Variants in MTPAP observed in about 807,000 individuals in gnomAD.
MTPAP encodes the protein mitochondrial poly(A) polymerase, also known as poly(A) RNA polymerase, mitochondrial.
A neutral mutation model predicts 48.7 loss-of-function variants in MTPAP; 23 were observed. That is an observed-to-expected ratio of 0.47 (90% confidence interval 0.34 to 0.67). The LOEUF (loss-of-function observed/expected upper bound fraction) is 0.67. Ranked by LOEUF, MTPAP falls within the 30% of genes least tolerant of loss-of-function variation. The probability of loss-of-function intolerance (pLI) is 0.01; values close to 1 mark genes in which losing one functional copy is unlikely to be tolerated. For missense variants in MTPAP, 614 were observed against 694.3 expected (o/e 0.88, Z 1.30); for synonymous variants, 257 against 254.1 (o/e 1.01, Z -0.11).
At chr10:30,337,434 T>A (rs1834742729) in intron 3 of MTPAP, among the ~76,000 whole-genome samples, 1 of 151,136 alleles carries the variant, frequency 6.6e-6, no homozygotes, top group Non-Finnish European at 1.5e-5. Flanking sequence ...CAAAAAAAAA[T>A]ACTCTTTAAA....
chr10:30,321,995 ACGAAG>A (rs1271408919), intron 6 of MTPAP, among the ~76,000 whole-genome samples: 2 of 152,212 alleles, frequency 1.3e-5, no homozygotes, highest in Non-Finnish European at 2.9e-5. Flanking sequence ...TTGAAACATC[ACGAAG>A]CAGTTTTAGT....
At chr10:30,337,076 C>T (rs1411990201) in intron 3 of MTPAP, 49 bp from the exon 4 acceptor site, 3 of 1,445,454 alleles carry the variant, frequency 2.1e-6, no homozygotes, top group Non-Finnish European at 2.9e-6. Flanking sequence ...GTACAGGTCG[C>T]ATAAAAAGTT....
intron 4 of MTPAP, among the ~76,000 whole-genome samples, chr10:30,331,203 CACAG>C (rs370846917): frequency 1.1e-4 from 16 of 152,314 alleles, no homozygotes; most frequent in South Asian, 4.1e-4. Context: ...AAAAACTGTT[CACAG>C]ACAGTTAGAT....
In MTPAP at chr10:30,326,417, G is replaced by C. The variant is rs769151358; in HGVS notation, c.992+7C>G. 6.2e-7 allele frequency: 1 copy of C among 1,609,238 alleles called. No homozygotes were observed. The highest frequency in any genetic ancestry group is 8.5e-7 in the Non-Finnish European group (1 of 1,175,630). On this transcript the variant is annotated splice_region_variant and intron_variant, in intron 5 of 8. Coordinates refer to ENST00000263063, the MANE Select transcript of MTPAP (RefSeq NM_018109.4). ...ATATTTAAAATAATAAATGTAAGCG[G>C]TCATACCTATTGTTCGTAGTCAAAT...
intron 1 of MTPAP, among the ~76,000 whole-genome samples, chr10:30,344,384 A>C (rs188558244): frequency 5.3e-5 from 8 of 152,352 alleles, no homozygotes; most frequent in Admixed American, 2.6e-4. Context: ...TCTCCATGGC[A>C]GAATCTCTTC....
Position 30,311,714 on chromosome 10 carries a change from G to A in MTPAP, c.*1895C>T, listed in dbSNP as rs566694558. ...GAGAGTCTCACTGTCGCCCAGGATG[G>A]AGTACAGTGCTGTGATCTCAGCTCA... is the stretch of plus-strand genomic sequence containing the variant. On this transcript the variant is annotated 3_prime_UTR_variant, in exon 9 of 9. Transcript: ENST00000263063. The A allele has an allele frequency of 6.6e-6, 1 of 152,504 alleles. No individual in the cohort carries two copies. The highest frequency in any genetic ancestry group is 2.4e-5 in the African/African-American group (1 of 41,566). 9.4% of individuals were successfully genotyped at this position (152,504 alleles called of 1,614,324 possible). A position where few individuals can be genotyped will look rare whatever the true frequency, so the allele number is the denominator to read the frequency against.
At chr10:30,317,689 C>G (rs1003860205) in intron 6 of MTPAP, among the ~76,000 whole-genome samples, 5 of 152,122 alleles carry the variant, frequency 3.3e-5, no homozygotes, top group African/African-American at 1.2e-4. Flanking sequence ...TTTGACTTAT[C>G]TGACTGCATT....
rs146650995 is a variant in MTPAP at position 30,335,805 on chromosome 10, T to G, written c.780+998A>C. Among the ~76,000 whole-genome samples, 829 of 150,704 alleles carry G rather than the reference T, an allele frequency of 5.5e-3. 1 individual carries two copies. Among genetic ancestry groups the G allele is most frequent in the Non-Finnish European group, 8.7e-3 (588 of 67,626 alleles). On this transcript the variant is annotated intron_variant, in intron 4 of 8. Coordinates refer to ENST00000263063, the MANE Select transcript of MTPAP (RefSeq NM_018109.4). The stretch of plus-strand genomic sequence containing the variant: ...GGTGTGGATCACCTGAGGTCAGGAG[T>G]TCAAAACCAGCCTGACCAAGGAGGT...
At chr10:30,342,457 A>G (rs1834822455) in intron 1 of MTPAP, among the ~76,000 whole-genome samples, 2 of 148,874 alleles carry the variant, frequency 1.3e-5, no homozygotes, top group South Asian at 4.2e-4. Context: ...TCGTTTGACT[A>G]CTCTCCCATG....
intron 4 of MTPAP, among the ~76,000 whole-genome samples, chr10:30,335,623 A>C (rs1834721562): frequency 6.6e-6 from 1 of 152,206 alleles, no homozygotes; most frequent in African/African-American, 2.4e-5. Context: ...AGAGAACATA[A>C]ATGGAAGAAA....
chr10:30,339,677 TA>T (rs1310201394), intron 3 of MTPAP, among the ~76,000 whole-genome samples: 8 of 152,190 alleles, frequency 5.3e-5, no homozygotes, highest in African/African-American at 1.9e-4. Context: ...AGACAAGGAT[TA>T]CTATCACTTT....
intron 1 of MTPAP, among the ~76,000 whole-genome samples, chr10:30,342,516 A>G (rs1488351345): frequency 8.3e-5 from 12 of 145,048 alleles, no homozygotes; most frequent in African/African-American, 3.1e-4. Flanking sequence ...ACTATGCTTG[A>G]TGCAAAGTGC....
chr10:30,334,713 T>C (rs1834708496), intron 4 of MTPAP, among the ~76,000 whole-genome samples: 1 of 151,958 alleles, frequency 6.6e-6, no homozygotes, highest in African/African-American at 2.4e-5. Context: ...TGTAACAATA[T>C]ATAATGGGAA....
At chr10:30,329,385 A>G (rs1427162068) in intron 4 of MTPAP, among the ~76,000 whole-genome samples, 1 of 151,974 alleles carries the variant, frequency 6.6e-6, no homozygotes, top group Non-Finnish European at 1.5e-5. Context: ...ACACCACCAC[A>G]CCTTGCTAAT....
rs1840587696 is a variant in MTPAP at position 30,311,049 on chromosome 10, G to C, written c.*2560C>G. ...GCTAACCCATACACATACTTTATGTGCTTAAATAACCATATTACACCTAGC... is the reference window on the plus strand; with the variant it reads ...GCTAACCCATACACATACTTTATGTCCTTAAATAACCATATTACACCTAGC... On this transcript the variant is annotated 3_prime_UTR_variant, in exon 9 of 9. Transcript: ENST00000263063. The C allele has an allele frequency of 6.6e-6, 1 of 152,074 alleles. No homozygotes were observed. Among genetic ancestry groups the C allele is most frequent in the Non-Finnish European group, 1.5e-5 (1 of 68,026 alleles). 9.4% of individuals were successfully genotyped at this position (152,074 alleles called of 1,614,324 possible).
At chr10:30,332,626 A>G (rs112686373) in intron 4 of MTPAP, among the ~76,000 whole-genome samples, 15,042 of 152,136 alleles carry the variant, frequency 0.099, 1,000 homozygotes, top group Non-Finnish European at 0.12. Flanking sequence ...AGACTGGAGC[A>G]CTGTCTTTAA....
At chr10:30,339,086 G>A (rs1834767522) in intron 3 of MTPAP, among the ~76,000 whole-genome samples, 1 of 152,088 alleles carries the variant, frequency 6.6e-6, no homozygotes, top group East Asian at 1.9e-4. Flanking sequence ...TCACGCCACT[G>A]CACTCCAGCC....
rs375188977 is a variant in MTPAP, at chr10:30,324,970, G to A, written c.992+1454C>T. Among the ~76,000 whole-genome samples, 235 of 146,302 alleles carry A rather than the reference G, an allele frequency of 1.6e-3. 2 individuals are homozygous for A. Among genetic ancestry groups the A allele is most frequent in the Non-Finnish European group, 2.7e-3 (182 of 67,068 alleles). On this transcript the variant is annotated intron_variant, in intron 5 of 8. Coordinates refer to ENST00000263063, the MANE Select transcript of MTPAP (RefSeq NM_018109.4). ...TGCGGCACTGCACTCTAGCCTACGC[G>A]ACAGAGCAAGACTATGTCTCAAAAA...
In MTPAP at chr10:30,316,152, A is replaced by G. The variant is rs147355590; in HGVS notation, c.1278T>C (p.Ser426=). The G allele has an allele frequency of 8.3e-5, 134 of 1,614,016 alleles. No individual in the cohort carries two copies. In the African/African-American group the frequency reaches 1.6e-3, roughly 19 times the overall value. ...GNNCTFVRDL[S]RIKPSQNTET... ...CTGTGTTCTGTGAAGGTTTAATTCT[A>G]CTCAAGTCACGAACAAATGTGCAGT... The change falls in exon 7 of 9, where the codon AGT becomes AGC. Residue 426 remains serine, a synonymous_variant. Coordinates refer to ENST00000263063, the MANE Select transcript of MTPAP (RefSeq NM_018109.4).
Sources: allele counts gnomAD v4.1 joint callset (sites outside exome capture counted in the v4.1 genomes callset), GRCh38; gene constraint gnomAD v4.1.1; transcripts MANE v1.5; gene names NCBI Gene and HGNC (gene_info 2026-07-23, HGNC 2026-07-21).